SEMA6A: variants seen among roughly 807,000 people sequenced by gnomAD.
SEMA6A encodes semaphorin-6A.
In SEMA6A, 25 loss-of-function variants were observed where a neutral mutation model predicts 96.8. That is an observed-to-expected ratio of 0.26 (90% CI 0.19 to 0.36). The LOEUF is 0.36. SEMA6A is among the 10% of genes least tolerant of loss of function. The probability of loss-of-function intolerance (pLI) is 1.00; values close to 1 mark genes in which losing one functional copy is unlikely to be tolerated. For missense variants in SEMA6A, 1,363 were observed against 1,323.1 expected, an observed-to-expected ratio of 1.03 and a Z score of -0.47; for synonymous variants, 612 against 518.0, an observed-to-expected ratio of 1.18 and a Z score of -2.46.
intron 7 of SEMA6A, among the ~76,000 whole-genome samples, chr5:116,490,758 C>G (rs1757291628): frequency 6.6e-6 from 1 of 152,150 alleles, no homozygotes; most frequent in Admixed American, 6.5e-5. Context: ...CCTAGGGTCC[C>G]TCATCCAGCT....
intron 18 of SEMA6A, among the ~76,000 whole-genome samples, chr5:116,459,883 A>G (rs577246221): frequency 6.6e-6 from 1 of 152,264 alleles, no homozygotes; most frequent in Middle Eastern, 3.4e-3. Flanking sequence ...ACTCAGCATA[A>G]GGTTTACATA....
intron 15 of SEMA6A, 69 bp from the exon 16 acceptor site, chr5:116,475,672 A>C: frequency 8.7e-7 from 1 of 1,145,110 alleles, no homozygotes; most frequent in South Asian, 1.4e-5. Context: ...AAATGAGTCA[A>C]GCTTCACTAA....
At chr5:116,553,400 T>G (rs1426936983) in intron 1 of SEMA6A, among the ~76,000 whole-genome samples, 1 of 152,122 alleles carries the variant, frequency 6.6e-6, no homozygotes, top group Non-Finnish European at 1.5e-5. Context: ...TAGCGTCTAT[T>G]TAATATGGCA....
chr5:116,511,985 G>T (rs1174818606), intron 1 of SEMA6A, among the ~76,000 whole-genome samples: 1 of 152,244 alleles, frequency 6.6e-6, no homozygotes, highest in Non-Finnish European at 1.5e-5. Flanking sequence ...GAAAGCAGGT[G>T]TTTTTGCTGA....
In SEMA6A at chr5:116,455,222, C is replaced by T. The variant is rs550806353; in HGVS notation, c.1895-7411G>A. On this transcript the variant is annotated intron_variant, in intron 18 of 18. Transcript: ENST00000343348. ...CACTGCTCTACTGCTTTAGAAATGG[C>T]ATTGCCAATGGGAGTGCTACAGCCA... is the stretch of plus-strand genomic sequence containing the variant. Among the ~76,000 whole-genome samples the T allele has an allele frequency of 3.3e-4, 51 of 152,252 alleles. No individual in the cohort carries two copies. The Middle Eastern group carries it at 0.014, about 41-fold the overall frequency.
intron 3 of SEMA6A, among the ~76,000 whole-genome samples, chr5:116,501,347 T>G (rs568511500): frequency 7.9e-5 from 12 of 152,334 alleles, no homozygotes; most frequent in African/African-American, 2.6e-4. Context: ...CATTCAGCCT[T>G]AAGACATCAG....
intron 11 of SEMA6A, among the ~76,000 whole-genome samples, chr5:116,481,355 G>C (rs1293498081): frequency 1.3e-5 from 2 of 152,154 alleles, no homozygotes; most frequent in African/African-American, 4.8e-5. Context: ...AACAATCCCA[G>C]GCAATGACTT....
At chr5:116,458,245 C>T (rs1226599744) in intron 18 of SEMA6A, among the ~76,000 whole-genome samples, 1 of 152,190 alleles carries the variant, frequency 6.6e-6, no homozygotes, top group African/African-American at 2.4e-5. Flanking sequence ...TAGATGAACA[C>T]AGTGCCGTTG....
intron 2 of SEMA6A, among the ~76,000 whole-genome samples, chr5:116,503,897 CCT>C (rs1403172575): frequency 2.0e-5 from 3 of 152,268 alleles, no homozygotes; most frequent in Admixed American, 6.5e-5. Context: ...AAGTTTGGAA[CCT>C]TGAGTTAGGT....
chr5:116,473,194 A>T, intron 16 of SEMA6A, 101 bp from the exon 17 acceptor site: 2 of 1,102,964 alleles, frequency 1.8e-6, no homozygotes. Flanking sequence ...ATGCCAGCGT[A>T]TGGTCCCCGA....
At chr5:116,522,396 C>T (rs1330226392) in intron 1 of SEMA6A, among the ~76,000 whole-genome samples, 4 of 152,124 alleles carry the variant, frequency 2.6e-5, no homozygotes, top group Non-Finnish European at 4.4e-5. Flanking sequence ...CCCGTCTCTT[C>T]GCAGTATGGT....
At chr5:116,549,267 A>T (rs555598711) in intron 1 of SEMA6A, among the ~76,000 whole-genome samples, 3 of 152,178 alleles carry the variant, frequency 2.0e-5, no homozygotes, top group Non-Finnish European at 2.9e-5. Flanking sequence ...TCATAATGGA[A>T]TAAGTTCCCC....
intron 1 of SEMA6A, among the ~76,000 whole-genome samples, chr5:116,556,131 T>C (rs1401997505): frequency 6.6e-6 from 1 of 152,156 alleles, no homozygotes; most frequent in African/African-American, 2.4e-5. Context: ...TAGCAAAACA[T>C]AGTCACCTAA....
intron 17 of SEMA6A, among the ~76,000 whole-genome samples, chr5:116,472,004 T>C (rs1756174686): frequency 6.6e-6 from 1 of 152,178 alleles, no homozygotes; most frequent in South Asian, 2.1e-4. Context: ...ATTATATATC[T>C]TAAACACACA....
At chr5:116,466,137 G>T (rs1322317524) in intron 18 of SEMA6A, among the ~76,000 whole-genome samples, 1 of 150,766 alleles carries the variant, frequency 6.6e-6, no homozygotes, top group Non-Finnish European at 1.5e-5. Context: ...TTGGGAAGCC[G>T]AGGCGGGTGG....
At chr5:116,477,753 TGTG>T in intron 15 of SEMA6A, 90 bp downstream of exon 15, 3 of 1,234,296 alleles carry the variant, frequency 2.4e-6, no homozygotes, top group Non-Finnish European at 3.6e-6. Flanking sequence ...CAGAAAGCTG[TGTG>T]GTGGTGTGTG....
rs150594434 is a variant in SEMA6A, at chr5:116,489,928, C to G, written c.536-921G>C. 8.2e-3 allele frequency among the ~76,000 whole-genome samples: 1,244 copies of G among 152,266 alleles called. 17 individuals carry two copies. The highest frequency in any genetic ancestry group is 0.012 in the Non-Finnish European group (818 of 68,032). ...AATTATATTCAAAATAAAAAAATTA[C>G]TTCCGTGATTCACTTTTAGTGGATT... is the stretch of plus-strand genomic sequence containing the variant. On this transcript the variant is annotated intron_variant, in intron 7 of 18. Coordinates refer to ENST00000343348, the MANE Select transcript of SEMA6A (RefSeq NM_020796.5).
chr5:116,517,911 C>A (rs995225243), intron 1 of SEMA6A, among the ~76,000 whole-genome samples: 4 of 152,140 alleles, frequency 2.6e-5, no homozygotes, highest in Non-Finnish European at 5.9e-5. Context: ...AAAGGAGATT[C>A]CATGATGTCA....
At chr5:116,472,872 T>C in intron 17 of SEMA6A, 4 of 1,418,362 alleles carry the variant, frequency 2.8e-6, no homozygotes, top group African/African-American at 1.5e-5. Flanking sequence ...AAAAAAAAAA[T>C]CCGTAAACTG....
Sources: allele counts gnomAD v4.1 joint callset (sites outside exome capture counted in the v4.1 genomes callset), GRCh38; gene constraint gnomAD v4.1.1; transcripts MANE v1.5; gene names NCBI Gene and HGNC (gene_info 2026-07-23, HGNC 2026-07-21).